PARD3B: variants seen among roughly 807,000 people sequenced by gnomAD.
PARD3B encodes the protein par-3 family cell polarity regulator beta.
Under a neutral mutation model 130.2 loss-of-function variants are expected in PARD3B, and 103 were observed. That is an observed-to-expected ratio of 0.79 (90% CI 0.67 to 0.93). PARD3B has a LOEUF of 0.93. Ranked by LOEUF, PARD3B falls within the 40% of genes least tolerant of loss-of-function variation. The pLI is 0.00. For missense variants in PARD3B, 1,609 were observed against 1,499.2 expected, an observed-to-expected ratio of 1.07 and a Z score of -1.21; for synonymous variants, 583 against 553.2, an observed-to-expected ratio of 1.05 and a Z score of -0.76.
At chr2:205,576,187 C>T (rs1343104794) in intron 22 of PARD3B, among the ~76,000 whole-genome samples, 1 of 152,122 alleles carries the variant, frequency 6.6e-6, no homozygotes. Context: ...GATGAGGTGT[C>T]TGTTAAGGTC....
rs1221478896 is a variant in PARD3B, at chr2:205,187,284, G to A, written c.2024+1421G>A. Among the ~76,000 whole-genome samples the A allele has an allele frequency of 6.6e-6, 1 of 152,198 alleles. No homozygotes were observed. Among genetic ancestry groups the A allele is most frequent in the Non-Finnish European group, 1.5e-5 (1 of 68,042 alleles). On this transcript the variant is annotated intron_variant, in intron 14 of 22. Coordinates refer to ENST00000406610, the MANE Select transcript of PARD3B (RefSeq NM_001302769.2). The surrounding 1 kb of genome is among the most constrained non-coding windows in gnomAD (Gnocchi z 4.9). ...GAAGAAACAGCATAGAGACGGGAGA[G>A]TAAATTGAATTGTACAAGGTGGAGC...
At chr2:204,560,031 C>T (rs1397203308) in intron 1 of PARD3B, among the ~76,000 whole-genome samples, 4 of 151,644 alleles carry the variant, frequency 2.6e-5, no homozygotes, top group Admixed American at 2.6e-4. Context: ...AACACTGGGG[C>T]CTGTTGTGGG....
In PARD3B at chr2:205,263,004, C is replaced by T. The variant is rs2040373035; in HGVS notation, c.2185+17182C>T. Among the ~76,000 whole-genome samples the T allele has an allele frequency of 6.6e-6, 1 of 151,944 alleles. No homozygotes were observed. Among genetic ancestry groups the T allele is most frequent in the Non-Finnish European group, 1.5e-5 (1 of 67,940 alleles). The stretch of plus-strand genomic sequence containing the variant: ...TCTGGATCTAGGCATAGAATCCTAC[C>T]AAAAGACAATACAGAGCTAGATTGA... On this transcript the variant is annotated intron_variant, in intron 16 of 22. Transcript: ENST00000406610. This position sits in a 1 kb window ranked among gnomAD's most constrained non-coding sequence, Gnocchi z 4.0.
intron 10 of PARD3B, among the ~76,000 whole-genome samples, chr2:205,143,901 C>G (rs2033160914): frequency 6.6e-6 from 1 of 152,106 alleles, no homozygotes; most frequent in Non-Finnish European, 1.5e-5. Flanking sequence ...AGATGTGATT[C>G]AGAGAAATAT....
intron 3 of PARD3B, among the ~76,000 whole-genome samples, chr2:205,028,051 G>A (rs996345623): frequency 7.9e-5 from 12 of 151,940 alleles, no homozygotes; most frequent in Admixed American, 3.3e-4. Context: ...TTTGGTATTT[G>A]GGGGCTTTTT....
chr2:204,876,252 G>T (rs2045839789), intron 2 of PARD3B, among the ~76,000 whole-genome samples: 1 of 152,182 alleles, frequency 6.6e-6, no homozygotes, highest in South Asian at 2.1e-4. Flanking sequence ...TAATCCAAAA[G>T]CTCATTTCCA....
chr2:205,080,049 A>G (rs1701310722), intron 4 of PARD3B, among the ~76,000 whole-genome samples: 1 of 152,166 alleles, frequency 6.6e-6, no homozygotes, highest in African/African-American at 2.4e-5. Context: ...TAGAATTAAT[A>G]TATCCACATG....
At chr2:204,932,219 T>A (rs900417196) in intron 2 of PARD3B, among the ~76,000 whole-genome samples, 3 of 152,156 alleles carry the variant, frequency 2.0e-5, no homozygotes, top group Non-Finnish European at 2.9e-5. Flanking sequence ...TTAAAAATCA[T>A]GGCTCAAAGT....
chr2:204,819,731 A>G (rs73066661), intron 2 of PARD3B, among the ~76,000 whole-genome samples: 2,601 of 152,286 alleles, frequency 0.017, 68 homozygotes, highest in African/African-American at 0.057. Flanking sequence ...CTTACAGTAA[A>G]CACATGAATG....
chr2:204,638,152 T>C (rs369321974), intron 1 of PARD3B, among the ~76,000 whole-genome samples: 66 of 152,292 alleles, frequency 4.3e-4, no homozygotes, highest in Middle Eastern at 6.8e-3. Context: ...AGAAATGGTC[T>C]CCAGATTTAT....
intron 3 of PARD3B, 45 bp downstream of exon 3, chr2:204,965,368 C>T (rs780320902): frequency 1.2e-5 from 19 of 1,555,156 alleles, no homozygotes; most frequent in Admixed American, 1.1e-4. Context: ...ACTGAAGATC[C>T]GTCATCTTGT....
intron 4 of PARD3B, among the ~76,000 whole-genome samples, chr2:205,090,015 GT>G (rs1702006511): frequency 6.6e-6 from 1 of 152,194 alleles, no homozygotes; most frequent in African/African-American, 2.4e-5. Context: ...GCTGTATTTT[GT>G]AGAGGTGCAT....
intron 1 of PARD3B, among the ~76,000 whole-genome samples, chr2:204,627,898 C>T (rs1201215759): frequency 6.6e-6 from 1 of 151,332 alleles, no homozygotes; most frequent in African/African-American, 2.4e-5. Flanking sequence ...CTAGATCAAG[C>T]TTGTCCAACC....
rs3077795 is a variant in PARD3B at position 205,497,427 on chromosome 2, A to ATTTT, written c.3045-2452_3045-2449dup. 2.1e-3 allele frequency among the ~76,000 whole-genome samples: 257 copies of ATTTT among 123,666 alleles called. 1 individual carries two copies. Among genetic ancestry groups the ATTTT allele is most frequent in the East Asian group, 9.5e-3 (40 of 4,194 alleles). The allele number at this position is 123,666 out of a possible 152,430, so 81.1% of individuals were successfully genotyped here. A position where few individuals can be genotyped will look rare whatever the true frequency, so the allele number is the denominator to read the frequency against. On this transcript the variant is annotated intron_variant, in intron 20 of 22. Transcript: ENST00000406610. ...TTCCTCCAAAAGGTGTTTACTCACC[A>ATTTT]TTTTTTTTTTTTTTTTTTTTGTAAT...
chr2:205,221,489 A>G (rs1427592744), intron 15 of PARD3B, among the ~76,000 whole-genome samples: 1 of 152,204 alleles, frequency 6.6e-6, no homozygotes, highest in African/African-American at 2.4e-5. Flanking sequence ...AGGTGGCATT[A>G]AAAACTTTGG....
chr2:204,670,764 A>T (rs932822800), intron 1 of PARD3B, among the ~76,000 whole-genome samples: 2 of 152,176 alleles, frequency 1.3e-5, no homozygotes, highest in Non-Finnish European at 2.9e-5. Flanking sequence ...TTTTGAGCCC[A>T]TAACTATGGT....
rs563728241 is a variant in PARD3B, at chr2:205,561,244, G to A, written c.3260+7841G>A. On this transcript the variant is annotated intron_variant, in intron 22 of 22. Coordinates refer to ENST00000406610, the MANE Select transcript of PARD3B (RefSeq NM_001302769.2). ...CACTGTTACTGAATTTTCCTTTGCCGGCATTGCACTATTTTATTGTGCTCA... is the reference window on the plus strand; with the variant it reads ...CACTGTTACTGAATTTTCCTTTGCCAGCATTGCACTATTTTATTGTGCTCA... 5.1e-4 allele frequency among the ~76,000 whole-genome samples: 78 copies of A among 152,178 alleles called. 1 individual carries two copies. Among genetic ancestry groups the A allele is most frequent in the African/African-American group, 1.8e-3 (73 of 41,524 alleles).
At chr2:205,393,634 G>T (rs1191128443) in intron 18 of PARD3B, among the ~76,000 whole-genome samples, 1 of 152,152 alleles carries the variant, frequency 6.6e-6, no homozygotes. Context: ...TGACTTTTTA[G>T]TTCTCACAGG....
Position 204,606,914 on chromosome 2 carries a change from C to T in PARD3B, c.120+60795C>T, listed in dbSNP as rs752848082. Reference sequence around the variant, plus strand: ...GAAATATTAAAGCCTTGAACAATCCCGTATCTTTTTCATATATTTACCTTT... The same window carrying T: ...GAAATATTAAAGCCTTGAACAATCCTGTATCTTTTTCATATATTTACCTTT... On this transcript the variant is annotated intron_variant, in intron 1 of 22. Coordinates refer to ENST00000406610, the MANE Select transcript of PARD3B (RefSeq NM_001302769.2). This position sits in a 1 kb window ranked among gnomAD's most constrained non-coding sequence, Gnocchi z 4.0. 4.6e-5 allele frequency among the ~76,000 whole-genome samples: 7 copies of T among 152,156 alleles called. No individual in the cohort carries two copies. The highest frequency in any genetic ancestry group is 4.1e-4 in the South Asian group (2 of 4,824).
Sources: gnomAD v4.1 joint callset for allele counts (sites outside exome capture counted in the v4.1 genomes callset) on GRCh38, gnomAD v4.1.1 for gene constraint, Gnocchi (gnomAD v3.1) non-coding constraint, MANE v1.5 for transcripts, NCBI Gene and HGNC (gene_info 2026-07-23, HGNC 2026-07-21) for gene names.